The following PGAM1 variants were observed in gnomAD, a reference collection of about 807,000 sequenced individuals.
PGAM1 encodes the protein phosphoglycerate mutase 1.
In PGAM1, 21 loss-of-function variants were observed where a neutral mutation model predicts 23.5. The observed-to-expected ratio is 0.89, with a 90% CI of 0.63 to 1.29. PGAM1 has a LOEUF of 1.29. Ranked by LOEUF, PGAM1 falls within the 50% of genes most tolerant of loss-of-function variation. The pLI, the probability that PGAM1 is intolerant of heterozygous loss-of-function variation, is 0.00. For synonymous variants in PGAM1, 109 were observed against 128.6 expected (o/e 0.85, Z 1.03); for missense variants, 232 against 336.3 (o/e 0.69, Z 2.42).
In PGAM1 at chr10:97,426,317, T is replaced by C; in HGVS notation, c.10T>C (p.Tyr4His). The change falls in exon 1 of 4, where the codon TAC becomes CAC. Residue 4 changes from tyrosine to histidine, a missense_variant. Physicochemically the swap from Tyr to His is moderately conservative, Grantham distance 83. Coordinates refer to ENST00000334828, the MANE Select transcript of PGAM1 (RefSeq NM_002629.4). MAA[Y>H]KLVLIRHGES... ...TCCCCAGCCCGCCGCCATGGCCGCC[T>C]ACAAACTGGTGCTGATCCGGCACGG... 1 of 1,610,478 alleles carries C rather than the reference T, an allele frequency of 6.2e-7. No homozygotes were observed. The highest frequency in any genetic ancestry group is 8.5e-7 in the Non-Finnish European group (1 of 1,179,194).
intron 1 of PGAM1, among the ~76,000 whole-genome samples, chr10:97,430,043 CAAAAAAAAAA>C (rs71814636): frequency 2.9e-5 from 2 of 69,788 alleles, no homozygotes; most frequent in African/African-American, 4.7e-5. Context: ...GACTCCGTCT[CAAAAAAAAAA>C]AAAAAAAAAG....
chr10:97,429,306 A>G (rs1194097015), intron 1 of PGAM1, among the ~76,000 whole-genome samples: 2 of 151,928 alleles, frequency 1.3e-5, no homozygotes, highest in Non-Finnish European at 2.9e-5. Flanking sequence ...GGGTTTCACC[A>G]TGTTAGCCAC....
chr10:97,430,817 C>G, intron 2 of PGAM1, 138 bp from the exon 3 acceptor site: 1 of 1,473,778 alleles, frequency 6.8e-7, no homozygotes, highest in Non-Finnish European at 9.4e-7. Context: ...TGATAGTTTA[C>G]TATCTCCTTT....
chr10:97,432,324 T>A, intron 3 of PGAM1, 31 bp from the exon 4 acceptor site: 1 of 1,612,040 alleles, frequency 6.2e-7, no homozygotes, highest in Non-Finnish European at 8.5e-7. Context: ...GATTTATGTC[T>A]TGTGTGGCTG....
At chr10:97,429,976 G>A (rs1845450257) in intron 1 of PGAM1, among the ~76,000 whole-genome samples, 1 of 151,414 alleles carries the variant, frequency 6.6e-6, no homozygotes, top group African/African-American at 2.4e-5. Context: ...AACCCGGGAG[G>A]CGGAGGTTGC....
intron 1 of PGAM1, among the ~76,000 whole-genome samples, chr10:97,428,279 TATAA>T (rs1163830617): frequency 6.6e-6 from 1 of 152,240 alleles, no homozygotes; most frequent in African/African-American, 2.4e-5. Context: ...AATACATATA[TATAA>T]ATAATTCCTC....
At position 97,426,403 on chromosome 10, in the gene PGAM1, G is replaced by C; in HGVS notation, c.96G>C (p.Pro32=). 1 of 1,605,178 alleles carries C rather than the reference G, an allele frequency of 6.2e-7. No homozygotes were observed. The change falls in exon 1 of 4, where the codon CCG becomes CCC. Residue 32 remains proline (P), a synonymous_variant. Transcript: ENST00000334828. ...FSGWYDADLS[P]AGHEEAKRGG... ...GCTGGTACGACGCCGACCTGAGCCCGGCGGGCCACGAGGAGGCGAAGCGCG... is the reference window on the plus strand; with the variant it reads ...GCTGGTACGACGCCGACCTGAGCCCCGCGGGCCACGAGGAGGCGAAGCGCG...
At chr10:97,432,090 C>T (rs1254997558) in intron 3 of PGAM1, among the ~76,000 whole-genome samples, 1 of 152,028 alleles carries the variant, frequency 6.6e-6, no homozygotes, top group African/African-American at 2.4e-5. Flanking sequence ...CTTCTAGATC[C>T]CACTTTGGTA....
At chr10:97,429,325 C>T (rs2133131329) in intron 1 of PGAM1, among the ~76,000 whole-genome samples, 1 of 152,146 alleles carries the variant, frequency 6.6e-6, no homozygotes, top group South Asian at 2.1e-4. Flanking sequence ...ACGATGGTCT[C>T]AATCTCCTGA....
intron 1 of PGAM1, chr10:97,427,764 G>T: frequency 1.6e-6 from 2 of 1,286,588 alleles, no homozygotes; most frequent in Non-Finnish European, 2.0e-6. Context: ...TTCCGCTGAT[G>T]ATAGGGGCAG....
At chr10:97,429,778 T>C (rs188518371) in intron 1 of PGAM1, among the ~76,000 whole-genome samples, 1 of 152,278 alleles carries the variant, frequency 6.6e-6, no homozygotes, top group East Asian at 1.9e-4. Flanking sequence ...TCCTGTGTCC[T>C]GATTGGGATT....
intron 1 of PGAM1, chr10:97,428,075 G>GT (rs1308154078): frequency 6.3e-6 from 3 of 478,638 alleles, no homozygotes; most frequent in African/African-American, 2.0e-5. Flanking sequence ...AGGAAGAACT[G>GT]TATCAGTCCG....
intron 1 of PGAM1, 51 bp downstream of exon 1, chr10:97,426,497 A>T: frequency 6.6e-7 from 1 of 1,508,396 alleles, no homozygotes. Context: ...CCGGCCTCGG[A>T]GGCCGCCTGG....
intron 3 of PGAM1, among the ~76,000 whole-genome samples, chr10:97,432,020 A>G (rs1217788378): frequency 6.6e-6 from 1 of 152,088 alleles, no homozygotes; most frequent in African/African-American, 2.4e-5. Flanking sequence ...ACGTGTGCTG[A>G]TTTTTGGTTG....
At chr10:97,430,868 G>A in intron 2 of PGAM1, 87 bp from the exon 3 acceptor site, 1 of 1,569,964 alleles carries the variant, frequency 6.4e-7, no homozygotes, top group South Asian at 1.1e-5. Context: ...CCCTGTGAAT[G>A]TGAATGGGCC....
At chr10:97,428,895 C>A (rs1426654236) in intron 1 of PGAM1, among the ~76,000 whole-genome samples, 4 of 152,056 alleles carry the variant, frequency 2.6e-5, no homozygotes, top group African/African-American at 9.7e-5. Flanking sequence ...AAATTCACTT[C>A]ATGTTTTATT....
rs1341091593 is a variant in PGAM1, at chr10:97,427,371, G to C, written c.139+925G>C. On this transcript the variant is annotated intron_variant, in intron 1 of 3. Transcript: ENST00000334828. ...CAAATAGTGTGTCCAAAACGCATCT[G>C]TAGATGTAACTTGAGTGAATGAATG... is the stretch of plus-strand genomic sequence containing the variant. 6 of 1,002,200 alleles carry C rather than the reference G, an allele frequency of 6.0e-6. No homozygotes were observed. In the African/African-American group the frequency reaches 1.0e-4, roughly 17 times the overall value. 62.1% of individuals were successfully genotyped at this position (1,002,200 alleles called of 1,614,324 possible).
At position 97,433,093 on chromosome 10, in the gene PGAM1, A is replaced by T. The variant is rs1378023322; in HGVS notation, c.*569A>T. The T allele has an allele frequency of 6.3e-6, 1 of 157,640 alleles. No individual in the cohort carries two copies. Among genetic ancestry groups the T allele is most frequent in the East Asian group, 1.8e-4 (1 of 5,536 alleles). 9.8% of individuals were successfully genotyped at this position (157,640 alleles called of 1,614,324 possible). The stretch of plus-strand genomic sequence containing the variant: ...TATGTGTTAATTTACTTTTATTAAA[A>T]AAGTATAGTATATATAATACAAAAC... On this transcript the variant is annotated 3_prime_UTR_variant, in exon 4 of 4. Coordinates refer to ENST00000334828, the MANE Select transcript of PGAM1 (RefSeq NM_002629.4).
chr10:97,433,000 T>C lies in PGAM1; in HGVS notation c.*476T>C, dbSNP rs1185826881. On this transcript the variant is annotated 3_prime_UTR_variant, in exon 4 of 4. Coordinates refer to ENST00000334828, the MANE Select transcript of PGAM1 (RefSeq NM_002629.4). Reference sequence around the variant, plus strand: ...AAGACGAATGTAACCTGCGTGGTGATGTGACAACTGTTTCCTCCCTGACCC... The same window carrying C: ...AAGACGAATGTAACCTGCGTGGTGACGTGACAACTGTTTCCTCCCTGACCC... The C allele has an allele frequency of 1.2e-5, 2 of 162,544 alleles. No homozygotes were observed. The highest frequency in any genetic ancestry group is 1.5e-4 in the East Asian group (1 of 6,610). 10.1% of individuals were successfully genotyped at this position (162,544 alleles called of 1,614,324 possible). A position where few individuals can be genotyped will look rare whatever the true frequency, so the allele number is the denominator to read the frequency against.
Sources: gnomAD v4.1 joint callset for allele counts (sites outside exome capture counted in the v4.1 genomes callset) on GRCh38, gnomAD v4.1.1 for gene constraint, MANE v1.5 for transcripts, NCBI Gene and HGNC (gene_info 2026-07-23, HGNC 2026-07-21) for gene names.